Variants in SHROOM4 observed in about 807,000 individuals in gnomAD.
SHROOM4 encodes protein Shroom4.
SHROOM4 carries 17 observed loss-of-function variants against 80.3 expected under a neutral mutation model. That is an observed-to-expected ratio of 0.21 (90% CI 0.14 to 0.32). SHROOM4 has a LOEUF of 0.32. Among genes scored for constraint, SHROOM4 ranks in the 10% least tolerant of loss-of-function variants. The pLI is 1.00. For synonymous variants in SHROOM4, 400 were observed against 437.5 expected, an observed-to-expected ratio of 0.91 and a Z score of 1.07; for missense variants, 993 against 1,140.3, an observed-to-expected ratio of 0.87 and a Z score of 1.86.
Position 50,755,215 on chromosome X carries a change from T to C in SHROOM4, c.117+58687A>G, listed in dbSNP as rs145992430. Among the ~76,000 whole-genome samples the C allele has an allele frequency of 4.4e-3, 492 of 112,345 alleles. 2 individuals carry two copies. Among genetic ancestry groups the C allele is most frequent in the Middle Eastern group, 0.028 (6 of 216 alleles). ...CTTTCCAGTGAAGTATTCAGTAATA[T>C]CATTTTAGCAACTTGAAACTGGCCA... On this transcript the variant is annotated intron_variant, in intron 1 of 8. Coordinates refer to ENST00000376020, the MANE Select transcript of SHROOM4 (RefSeq NM_020717.5).
chrX:50,789,296 G>A (rs1285762034), intron 1 of SHROOM4, among the ~76,000 whole-genome samples: 2 of 111,493 alleles, frequency 1.8e-5, no homozygotes, highest in East Asian at 5.6e-4. Context: ...ATCATACCAT[G>A]TATATTTTCT....
intron 2 of SHROOM4, among the ~76,000 whole-genome samples, chrX:50,659,677 G>A (rs1193398397): frequency 1.8e-5 from 2 of 112,069 alleles, no homozygotes; most frequent in Admixed American, 1.9e-4. Context: ...GTTTATCCCT[G>A]AGCAGCAATA....
At chrX:50,699,214 A>G (rs1243804758) in intron 1 of SHROOM4, among the ~76,000 whole-genome samples, 1 of 112,410 alleles carries the variant, frequency 8.9e-6, no homozygotes, top group Non-Finnish European at 1.9e-5. Context: ...CTGGGCTAGC[A>G]GTGAGTGGCC....
At chrX:50,650,707 C>A (rs782418798) in intron 2 of SHROOM4, among the ~76,000 whole-genome samples, 5 of 112,014 alleles carry the variant, frequency 4.5e-5, no homozygotes, top group African/African-American at 6.5e-5. Context: ...ATGGACATAT[C>A]ATTTACCCAG....
At chrX:50,699,164 T>C (rs1215824248) in intron 1 of SHROOM4, among the ~76,000 whole-genome samples, 4 of 112,325 alleles carry the variant, frequency 3.6e-5, no homozygotes. Context: ...ATGTAAACGA[T>C]GGTTAACTTA....
intron 2 of SHROOM4, among the ~76,000 whole-genome samples, chrX:50,689,496 TTC>T (rs1439875777): frequency 1.8e-5 from 2 of 112,306 alleles, no homozygotes; most frequent in African/African-American, 6.5e-5. Context: ...TGTGTTCATT[TTC>T]TCTGTCTGTA....
intron 1 of SHROOM4, among the ~76,000 whole-genome samples, chrX:50,808,994 C>T (rs1557273214): frequency 9.0e-6 from 1 of 111,102 alleles, no homozygotes; most frequent in African/African-American, 3.3e-5. Flanking sequence ...CTCCACCTCC[C>T]TCCAACCTTC....
chrX:50,812,346 T>C (rs1298910428), intron 1 of SHROOM4, among the ~76,000 whole-genome samples: 2 of 89,484 alleles, frequency 2.2e-5, no homozygotes, highest in African/African-American at 8.3e-5. Flanking sequence ...AAAAAGCATA[T>C]AACTTTCTCC....
chrX:50,625,490 C>T (rs1930759771), intron 5 of SHROOM4, among the ~76,000 whole-genome samples: 2 of 111,814 alleles, frequency 1.8e-5, no homozygotes, highest in Admixed American at 1.9e-4. Flanking sequence ...ATAGATAAAG[C>T]TGACAGGGAA....
chrX:50,705,417 T>C (rs1460082192), intron 1 of SHROOM4, among the ~76,000 whole-genome samples: 4 of 109,998 alleles, frequency 3.6e-5, no homozygotes, highest in Admixed American at 9.7e-5. Flanking sequence ...ACCTGGAAAA[T>C]AAATAAGGCA....
At chrX:50,749,433 T>A (rs1934856232) in intron 1 of SHROOM4, among the ~76,000 whole-genome samples, 1 of 111,580 alleles carries the variant, frequency 9.0e-6, no homozygotes, top group African/African-American at 3.3e-5. Flanking sequence ...TTAGAAACAA[T>A]TACCACCTTT....
intron 1 of SHROOM4, among the ~76,000 whole-genome samples, chrX:50,700,391 T>C (rs1329237464): frequency 8.9e-6 from 1 of 111,999 alleles, no homozygotes; most frequent in Non-Finnish European, 1.9e-5. Context: ...GGGAAACGAA[T>C]AGAAAAATGT....
intron 1 of SHROOM4, among the ~76,000 whole-genome samples, chrX:50,738,226 T>G (rs1277442105): frequency 9.0e-6 from 1 of 111,461 alleles, no homozygotes; most frequent in Non-Finnish European, 1.9e-5. Context: ...AATATCATAC[T>G]GAATGGGCAA....
rs1365819041 is a variant in SHROOM4, at chrX:50,778,620, CAT to C, written c.117+35280_117+35281del. 7.1e-5 allele frequency among the ~76,000 whole-genome samples: 8 copies of C among 112,410 alleles called. No individual in the cohort carries two copies. In the Admixed American group the frequency reaches 7.5e-4, roughly 11 times the overall value. On this transcript the variant is annotated intron_variant, in intron 1 of 8. Coordinates refer to ENST00000376020, the MANE Select transcript of SHROOM4 (RefSeq NM_020717.5). ...TTCCAAACTGTCCTTGTGTCTTTCA[CAT>C]ATGTTTATTCATCCCCTTTCTTAGA...
At position 50,813,890 on chromosome X, in the gene SHROOM4, G is replaced by C. The variant is rs1557273738; in HGVS notation, c.117+12C>G. The C allele has an allele frequency of 6.4e-5, 74 of 1,149,599 alleles. No individual in the cohort carries two copies. The highest frequency in any genetic ancestry group is 8.8e-5 in the Non-Finnish European group (74 of 840,392). The allele number at this position is 1,149,599 out of a possible 1,213,427, so 94.7% of individuals were successfully genotyped here. A position where few individuals can be genotyped will look rare whatever the true frequency, so the allele number is the denominator to read the frequency against. On this transcript the variant is annotated intron_variant, in intron 1 of 8. Coordinates refer to ENST00000376020, the MANE Select transcript of SHROOM4 (RefSeq NM_020717.5). The stretch of plus-strand genomic sequence containing the variant: ...GTTAGGCGCCGTTAGGACATCAGCC[G>C]CCAGTTCTTACCTTAGACACTGTGA...
At position 50,640,170 on chromosome X, in the gene SHROOM4, T is replaced by C. The variant is rs148102600; in HGVS notation, c.270-1862A>G. Among the ~76,000 whole-genome samples, 811 of 111,898 alleles carry C rather than the reference T, an allele frequency of 7.2e-3. 6 individuals carry two copies. The highest frequency in any genetic ancestry group is 0.017 in the African/African-American group (523 of 30,789). On this transcript the variant is annotated intron_variant, in intron 2 of 8. Coordinates refer to ENST00000376020, the MANE Select transcript of SHROOM4 (RefSeq NM_020717.5). ...CTACCAGTAGTAGTACTATGTACCATGGGTATCTACTATGACCTATGCTTT... is the reference window on the plus strand; with the variant it reads ...CTACCAGTAGTAGTACTATGTACCACGGGTATCTACTATGACCTATGCTTT...
chrX:50,755,090 C>A (rs1358121691), intron 1 of SHROOM4, among the ~76,000 whole-genome samples: 2 of 112,252 alleles, frequency 1.8e-5, no homozygotes, highest in Non-Finnish European at 3.8e-5. Flanking sequence ...TTCCCACATT[C>A]CTTCCAAGTT....
chrX:50,654,673 CTT>C (rs1472015224), intron 2 of SHROOM4, among the ~76,000 whole-genome samples: 3 of 110,282 alleles, frequency 2.7e-5, no homozygotes, highest in African/African-American at 9.9e-5. Flanking sequence ...GCTTTATAGC[CTT>C]TGATCAACAG....
chrX:50,811,713 A>G (rs1936335439), intron 1 of SHROOM4, among the ~76,000 whole-genome samples: 1 of 111,760 alleles, frequency 8.9e-6, no homozygotes, highest in Admixed American at 9.5e-5. Flanking sequence ...CCCTTTATAT[A>G]CCGTTGAAGC....
Sources: allele counts gnomAD v4.1 joint callset (sites outside exome capture counted in the v4.1 genomes callset), GRCh38; gene constraint gnomAD v4.1.1; transcripts MANE v1.5; gene names NCBI Gene and HGNC (gene_info 2026-07-23, HGNC 2026-07-21).